The following EPHA6 variants were observed in gnomAD, a reference collection of about 807,000 sequenced individuals.
EPHA6 encodes EPH receptor A6.
EPHA6 carries 50 observed loss-of-function variants against 112.0 expected under a neutral mutation model. The ratio of observed to expected loss-of-function variants is 0.45; its 90% CI spans 0.36 to 0.56. EPHA6 has a LOEUF of 0.56. Among genes scored for constraint, EPHA6 ranks in the 20% least tolerant of loss-of-function variants. The probability of loss-of-function intolerance (pLI) is 0.00; values close to 1 mark genes in which losing one functional copy is unlikely to be tolerated. For synonymous variants in EPHA6, 529 were observed against 490.7 expected (o/e 1.08, Z -1.03); for missense variants, 1,280 against 1,417.4 (o/e 0.90, Z 1.56).
chr3:97,256,211 A>G (rs1025135851), intron 5 of EPHA6, among the ~76,000 whole-genome samples: 1 of 151,948 alleles, frequency 6.6e-6, no homozygotes, highest in Non-Finnish European at 1.5e-5. Flanking sequence ...ATTTTATTCT[A>G]TATTTTCATA....
At chr3:96,993,677 A>C (rs1440792667) in intron 3 of EPHA6, among the ~76,000 whole-genome samples, 1 of 152,116 alleles carries the variant, frequency 6.6e-6, no homozygotes, top group Admixed American at 6.6e-5. Flanking sequence ...TCTGCCTTCT[A>C]TTTCTCTTCA....
At chr3:97,699,653 T>C (rs1464719934) in intron 14 of EPHA6, among the ~76,000 whole-genome samples, 1 of 152,092 alleles carries the variant, frequency 6.6e-6, no homozygotes, top group African/African-American at 2.4e-5. Context: ...GATAAACAGT[T>C]CCCAAGTCCA....
intron 10 of EPHA6, among the ~76,000 whole-genome samples, chr3:97,529,301 T>C (rs1005708528): frequency 5.9e-5 from 9 of 152,008 alleles, no homozygotes; most frequent in African/African-American, 1.7e-4. Context: ...CACCAACAAA[T>C]TGGGATAATA....
intron 7 of EPHA6, among the ~76,000 whole-genome samples, chr3:97,452,917 G>C (rs1044274111): frequency 1.3e-5 from 2 of 151,474 alleles, no homozygotes; most frequent in African/African-American, 4.8e-5. Context: ...ATAAAAAATT[G>C]TTGACATCAC....
At chr3:97,672,160 A>G (rs1053970721) in intron 14 of EPHA6, among the ~76,000 whole-genome samples, 11 of 152,226 alleles carry the variant, frequency 7.2e-5, no homozygotes, top group Non-Finnish European at 1.5e-4. Context: ...ACTAAATTAT[A>G]TAATAAGTCT....
At chr3:97,671,871 T>G (rs2030874149) in intron 14 of EPHA6, among the ~76,000 whole-genome samples, 1 of 152,166 alleles carries the variant, frequency 6.6e-6, no homozygotes, top group African/African-American at 2.4e-5. Flanking sequence ...ATGATTTTGA[T>G]CATTTTCTAG....
intron 3 of EPHA6, among the ~76,000 whole-genome samples, chr3:96,994,656 G>T (rs1297002303): frequency 1.3e-5 from 2 of 148,850 alleles, no homozygotes; most frequent in Admixed American, 1.4e-4. Flanking sequence ...ATTAGTTTGT[G>T]TTTAAAATTT....
At chr3:96,950,902 T>C (rs925354186) in intron 2 of EPHA6, among the ~76,000 whole-genome samples, 4 of 152,148 alleles carry the variant, frequency 2.6e-5, no homozygotes, top group African/African-American at 9.6e-5. Flanking sequence ...AGAGAATTAG[T>C]GATGGCTAAT....
intron 2 of EPHA6, among the ~76,000 whole-genome samples, chr3:96,871,028 G>T (rs547874342): frequency 6.6e-6 from 1 of 152,014 alleles, no homozygotes; most frequent in African/African-American, 2.4e-5. Flanking sequence ...ATTTCTGTTG[G>T]TGAATATGGA....
At chr3:97,423,114 A>G (rs1577344119) in intron 6 of EPHA6, among the ~76,000 whole-genome samples, 1 of 152,190 alleles carries the variant, frequency 6.6e-6, no homozygotes, top group East Asian at 1.9e-4. Context: ...TGCCTACTCT[A>G]ACCATGCCTA....
At chr3:97,284,564 C>A (rs560947690) in intron 5 of EPHA6, among the ~76,000 whole-genome samples, 1 of 152,098 alleles carries the variant, frequency 6.6e-6, no homozygotes, top group Non-Finnish European at 1.5e-5. Context: ...ACTGGCTTTT[C>A]TAAAAACATC....
chr3:97,021,772 GC>G (rs1425933215), intron 3 of EPHA6, among the ~76,000 whole-genome samples: 5 of 152,158 alleles, frequency 3.3e-5, no homozygotes, highest in Admixed American at 3.3e-4. Context: ...CTTTGTAAAA[GC>G]CCTATCTCAT....
At chr3:97,561,613 CA>C in intron 11 of EPHA6, among the ~76,000 whole-genome samples, 1 of 152,120 alleles carries the variant, frequency 6.6e-6, no homozygotes, top group African/African-American at 2.4e-5. Flanking sequence ...CATAAAAGTG[CA>C]AGGCAAAGCA....
At chr3:97,061,434 C>T (rs774885120) in intron 3 of EPHA6, among the ~76,000 whole-genome samples, 1 of 152,176 alleles carries the variant, frequency 6.6e-6, no homozygotes, top group African/African-American at 2.4e-5. Context: ...GGCCCAGAGC[C>T]TTTTTCCTCT....
intron 15 of EPHA6, among the ~76,000 whole-genome samples, chr3:97,728,777 A>C (rs940218493): frequency 2.0e-5 from 3 of 152,172 alleles, no homozygotes; most frequent in Non-Finnish European, 4.4e-5. Context: ...GGTTTCAGGC[A>C]ACTCCTTCTC....
At chr3:97,424,951 C>A (rs564902119) in intron 6 of EPHA6, among the ~76,000 whole-genome samples, 60 of 152,034 alleles carry the variant, frequency 3.9e-4, no homozygotes, top group Non-Finnish European at 7.4e-4. Flanking sequence ...TCAAACAAGT[C>A]AGTAATTAAA....
intron 4 of EPHA6, among the ~76,000 whole-genome samples, chr3:97,228,171 A>G (rs1277616317): frequency 1.3e-5 from 2 of 152,008 alleles, no homozygotes; most frequent in African/African-American, 4.8e-5. Context: ...TTTAATTTTT[A>G]TTTTTATAAC....
chr3:97,539,070 T>TTTTCTCTTTCTTC (rs2107668226), intron 11 of EPHA6, among the ~76,000 whole-genome samples: 1 of 56,330 alleles, frequency 1.8e-5, no homozygotes, highest in Admixed American at 2.1e-4. Context: ...TTTCTTCCCT[T>TTTTCTCTTTCTTC]CCTTCCTTCC....
At chr3:97,322,106 A>G (rs899151525) in intron 5 of EPHA6, among the ~76,000 whole-genome samples, 6 of 152,060 alleles carry the variant, frequency 3.9e-5, no homozygotes. Context: ...TTTCCTTTCT[A>G]AAGAAAGCAA....
Sources: gnomAD v4.1 joint callset for allele counts (sites outside exome capture counted in the v4.1 genomes callset) on GRCh38, gnomAD v4.1.1 for gene constraint, MANE v1.5 for transcripts, NCBI Gene and HGNC (gene_info 2026-07-23, HGNC 2026-07-21) for gene names.